NOL11: variants seen among roughly 807,000 people sequenced by gnomAD.
The protein encoded by NOL11 is nucleolar protein 11.
Under a neutral mutation model 93.0 loss-of-function variants are expected in NOL11, and 42 were observed. The ratio of observed to expected loss-of-function variants is 0.45; its 90% CI spans 0.35 to 0.58. The LOEUF (loss-of-function observed/expected upper bound fraction) is 0.58. Ranked by LOEUF, NOL11 falls within the 20% of genes least tolerant of loss-of-function variation. The pLI is 0.00. For synonymous variants in NOL11, 296 were observed against 293.7 expected (o/e 1.01, Z -0.08); for missense variants, 775 against 841.8 (o/e 0.92, Z 0.98).
rs1245848160 is a variant in NOL11 at position 67,735,910 on chromosome 17, A to G, written c.941A>G (p.Tyr314Cys). Reference protein sequence around the residue: ...PQGTSGQLWYYGEHLFMLHGK... With the variant: ...PQGTSGQLWYCGEHLFMLHGK... ...TAACTTTTTTTGTAGCTCTGGTATT[A>G]TGGAGAACATTTGTTTATGCTACAT... Residue 314 changes from tyrosine to cysteine, a missense_variant, in exon 9 of 18, where the codon TAT (tyrosine) becomes TGT (cysteine). Physicochemically the swap from Tyr to Cys is radical, Grantham distance 194. This residue lies in a region of NOL11 where 416 missense variants were observed against 525.2 expected (regional missense o/e 0.79). Coordinates refer to ENST00000253247, the MANE Select transcript of NOL11 (RefSeq NM_015462.5). The G allele has an allele frequency of 4.4e-6, 7 of 1,608,806 alleles. No homozygotes were observed. The highest frequency in any genetic ancestry group is 3.4e-6 in the Non-Finnish European group (4 of 1,178,044).
In NOL11 at chr17:67,740,102, G is replaced by A. The variant is rs185683708; in HGVS notation, c.1935+494G>A. Among the ~76,000 whole-genome samples, 68 of 152,128 alleles carry A rather than the reference G, an allele frequency of 4.5e-4. No individual in the cohort carries two copies. In the East Asian group the frequency reaches 0.01, roughly 22 times the overall value. ...AACACAAAATCATCCAGGCATAGTG[G>A]TGCGTGCCTGTAATCCCAGATACAT... On this transcript the variant is annotated intron_variant, in intron 16 of 17. Coordinates refer to ENST00000253247, the MANE Select transcript of NOL11 (RefSeq NM_015462.5).
At chr17:67,730,752 C>T (rs371253879) in intron 7 of NOL11, among the ~76,000 whole-genome samples, 1 of 152,114 alleles carries the variant, frequency 6.6e-6, no homozygotes, top group Non-Finnish European at 1.5e-5. Context: ...GAATGGGGTA[C>T]CCATCACCTC....
At chr17:67,724,279 G>A (rs1342082388) in intron 6 of NOL11, 86 bp downstream of exon 6, 2 of 746,520 alleles carry the variant, frequency 2.7e-6, no homozygotes, top group African/African-American at 3.6e-5. Flanking sequence ...TAGACTTTGT[G>A]AAGCATTCAG....
At chr17:67,732,465 T>C (rs2055162535) in intron 7 of NOL11, among the ~76,000 whole-genome samples, 1 of 141,496 alleles carries the variant, frequency 7.1e-6, no homozygotes. Context: ...CACTCCAGCC[T>C]GGGCAATAAG....
intron 6 of NOL11, 139 bp downstream of exon 6, chr17:67,724,332 C>CT (rs34287872): frequency 0.035 from 8,742 of 248,786 alleles, no homozygotes; most frequent in Middle Eastern, 0.05. Context: ...CATGCCTTCA[C>CT]TTTTTTTTTT....
chr17:67,726,752 C>T (rs2055098439), intron 7 of NOL11, 104 bp downstream of exon 7: 1 of 846,280 alleles, frequency 1.2e-6, no homozygotes, highest in Non-Finnish European at 1.7e-6. Flanking sequence ...CAGACTAATT[C>T]ATTCTCTTTA....
In NOL11 at chr17:67,719,699, G is replaced by A. The variant is rs150840596; in HGVS notation, c.167G>A (p.Ser56Asn). ...YKVSDQKPLG[S>N]WSVKQGQIIT... ...GTTTCTGATCAGAAACCCTTGGGGA[G>A]CTGGTCAGTGAAACAAGGTCAAATT... The change falls in exon 2 of 18, where the codon AGC becomes AAC. Residue 56 changes from serine (S) to asparagine (N), a missense_variant. Coordinates refer to ENST00000253247, the MANE Select transcript of NOL11 (RefSeq NM_015462.5). The A allele has an allele frequency of 2.6e-5, 42 of 1,604,482 alleles. No homozygotes were observed. The highest frequency in any genetic ancestry group is 2.9e-5 in the Non-Finnish European group (34 of 1,173,980).
chr17:67,737,792 C>T, intron 12 of NOL11, 55 bp from the exon 13 acceptor site: 1 of 1,584,780 alleles, frequency 6.3e-7, no homozygotes, highest in Non-Finnish European at 8.6e-7. Context: ...TATAAATGTT[C>T]TGCAGTTGAG....
chr17:67,718,128 C>A, intron 1 of NOL11, 40 bp downstream of exon 1: 1 of 1,597,040 alleles, frequency 6.3e-7, no homozygotes, highest in South Asian at 1.1e-5. Context: ...ACTGCCTTCT[C>A]GCCCCTTTCT....
rs529038130 is a variant in NOL11, at chr17:67,735,135, A to G, written c.930+696A>G. Among the ~76,000 whole-genome samples the G allele has an allele frequency of 4.3e-4, 65 of 152,320 alleles. 1 individual carries two copies. The highest frequency in any genetic ancestry group is 3.4e-3 in the Middle Eastern group (1 of 294). On this transcript the variant is annotated intron_variant, in intron 8 of 17. Transcript: ENST00000253247. ...TTAAAAGAATTAAAATTGAAGCTGAACAGACTGTGCACTTCCTGAGGCAGG... is the reference window on the plus strand; with the variant it reads ...TTAAAAGAATTAAAATTGAAGCTGAGCAGACTGTGCACTTCCTGAGGCAGG...
chr17:67,729,063 G>T (rs2055126198), intron 7 of NOL11, among the ~76,000 whole-genome samples: 1 of 150,962 alleles, frequency 6.6e-6, no homozygotes, highest in Non-Finnish European at 1.5e-5. Flanking sequence ...GGTGTTCGTT[G>T]TGCATCTACT....
At chr17:67,730,547 A>G (rs1195552008) in intron 7 of NOL11, among the ~76,000 whole-genome samples, 1 of 152,256 alleles carries the variant, frequency 6.6e-6, no homozygotes, top group Non-Finnish European at 1.5e-5. Flanking sequence ...GGCGTGAGCC[A>G]CTGCGCCCAG....
intron 9 of NOL11, 76 bp downstream of exon 9, chr17:67,736,099 C>T: frequency 7.7e-7 from 1 of 1,297,824 alleles, no homozygotes; most frequent in Non-Finnish European, 1.1e-6. Flanking sequence ...ATTCCCACAG[C>T]CTTCTATTTG....
intron 13 of NOL11, 49 bp from the exon 14 acceptor site, chr17:67,738,072 CA>C: frequency 1.3e-6 from 2 of 1,547,422 alleles, no homozygotes; most frequent in South Asian, 1.2e-5. Flanking sequence ...AAATTTTTCC[CA>C]AAAGCTTGGT....
intron 16 of NOL11, among the ~76,000 whole-genome samples, chr17:67,740,289 G>A (rs903186070): frequency 1.3e-5 from 2 of 151,340 alleles, no homozygotes; most frequent in Middle Eastern, 3.4e-3. Context: ...AATATTCCCA[G>A]AGAATCCCAT....
In NOL11 at chr17:67,725,065, A is replaced by G. The variant is rs529783810; in HGVS notation, c.664+872A>G. ...AGAGCGAGACTCGAGACTCGTCTCA[A>G]CAAAACAAAACAAAAAAATTTACCA... On this transcript the variant is annotated intron_variant, in intron 6 of 17. Transcript: ENST00000253247. Among the ~76,000 whole-genome samples, 7 of 152,320 alleles carry G rather than the reference A, an allele frequency of 4.6e-5. 1 individual carries two copies. The South Asian group carries it at 1.4e-3, about 32-fold the overall frequency.
Position 67,719,662 on chromosome 17 carries a change from T to TA in NOL11, c.142-10dup. ...GACTTCTTGAATATTGTATTTATCT[T>TA]AATTTCATTAGGTTTCTGATCAGAA... On this transcript the variant is annotated splice_polypyrimidine_tract_variant and intron_variant, in intron 1 of 17. Transcript: ENST00000253247. 1 of 1,346,976 alleles carries TA rather than the reference T, an allele frequency of 7.4e-7. No homozygotes were observed. Among genetic ancestry groups the TA allele is most frequent in the Non-Finnish European group, 1.1e-6 (1 of 949,832 alleles). The allele number at this position is 1,346,976 out of a possible 1,614,324, so 83.4% of individuals were successfully genotyped here.
chr17:67,741,690 G>A (rs556839974), intron 16 of NOL11, among the ~76,000 whole-genome samples: 3 of 152,156 alleles, frequency 2.0e-5, no homozygotes, highest in Non-Finnish European at 4.4e-5. Context: ...TCCTGCCTCA[G>A]CCTCCTGAGT....
At chr17:67,718,133 C>T in intron 1 of NOL11, 45 bp downstream of exon 1, 1 of 1,594,468 alleles carries the variant, frequency 6.3e-7, no homozygotes, top group Non-Finnish European at 8.6e-7. Flanking sequence ...CTTCTCGCCC[C>T]TTTCTGAGCG....
Sources: allele counts gnomAD v4.1 joint callset (sites outside exome capture counted in the v4.1 genomes callset), GRCh38; gene constraint gnomAD v4.1.1; regional missense constraint gnomAD v4.1.1; transcripts MANE v1.5; gene names NCBI Gene and HGNC (gene_info 2026-07-23, HGNC 2026-07-21).